CFAP221: variants seen among roughly 807,000 people sequenced by gnomAD.
CFAP221 encodes cilia and flagella associated protein 221.
CFAP221 carries 97 observed loss-of-function variants against 113.1 expected under a neutral mutation model. The observed-to-expected ratio is 0.86, with a 90% CI of 0.73 to 1.02. The LOEUF is 1.02. CFAP221 is among the 50% of genes least tolerant of loss of function. The pLI is 0.00. For synonymous variants in CFAP221, 331 were observed against 354.4 expected, an observed-to-expected ratio of 0.93 and a Z score of 0.74; for missense variants, 1,025 against 1,013.4, an observed-to-expected ratio of 1.01 and a Z score of -0.16.
intron 6 of CFAP221, among the ~76,000 whole-genome samples, chr2:119,575,151 C>G (rs1171993909): frequency 6.6e-6 from 1 of 152,168 alleles, no homozygotes; most frequent in East Asian, 1.9e-4. Flanking sequence ...AGGCTAGCAG[C>G]AGTTTTTAGT....
Position 119,652,017 on chromosome 2 carries a change from A to G in CFAP221, c.2362A>G (p.Met788Val), listed in dbSNP as rs1380498681. Reference sequence around the variant, plus strand: ...TGTAGAAGTTATGTTGACTCCAGAAATGATCAAAGTGGAATTCCCTATGTT... The same window carrying G: ...TGTAGAAGTTATGTTGACTCCAGAAGTGATCAAAGTGGAATTCCCTATGTT... ...QNVEVMLTPE[M>V]IKVEFPMLNY... is the part of the protein sequence containing the mutation. Residue 788 changes from methionine to valine, a missense_variant, in exon 23 of 24, where the codon ATG becomes GTG. Met to Val is a conservative substitution (Grantham distance 21). Transcript: ENST00000413369. 6.2e-7 allele frequency: 1 copy of G among 1,613,616 alleles called. No individual in the cohort carries two copies.
intron 7 of CFAP221, among the ~76,000 whole-genome samples, chr2:119,588,058 G>A (rs1266850930): frequency 6.6e-6 from 1 of 152,138 alleles, no homozygotes; most frequent in African/African-American, 2.4e-5. Flanking sequence ...GAGGTTTATT[G>A]TTTTCAGCTG....
At chr2:119,628,580 G>T (rs1173406373) in intron 16 of CFAP221, among the ~76,000 whole-genome samples, 1 of 152,206 alleles carries the variant, frequency 6.6e-6, no homozygotes, top group Non-Finnish European at 1.5e-5. Flanking sequence ...TGTTGCTCGA[G>T]TTCACATCGT....
At chr2:119,647,346 G>C (rs907288671) in intron 22 of CFAP221, among the ~76,000 whole-genome samples, 4 of 152,188 alleles carry the variant, frequency 2.6e-5, no homozygotes, top group Admixed American at 2.6e-4. Flanking sequence ...CATGGACTTG[G>C]GTTAGTATGT....
At chr2:119,643,615 G>T (rs898149110) in intron 21 of CFAP221, among the ~76,000 whole-genome samples, 2 of 152,140 alleles carry the variant, frequency 1.3e-5, no homozygotes, top group African/African-American at 4.8e-5. Flanking sequence ...CACGATCTCA[G>T]CTCACTGCAA....
chr2:119,583,396 T>TC (rs1299525242), intron 6 of CFAP221, among the ~76,000 whole-genome samples: 4 of 768 alleles, frequency 5.2e-3, no homozygotes, highest in Admixed American at 0.036. Context: ...AAATAGTCTC[T>TC]TTTTTTTTTT....
intron 3 of CFAP221, among the ~76,000 whole-genome samples, chr2:119,551,373 GT>G (rs957471577): frequency 6.6e-6 from 1 of 152,186 alleles, no homozygotes; most frequent in African/African-American, 2.4e-5. Context: ...ACTTACTCCT[GT>G]GTTTTCTTCT....
At chr2:119,646,018 G>A (rs930842675) in intron 21 of CFAP221, among the ~76,000 whole-genome samples, 1 of 152,130 alleles carries the variant, frequency 6.6e-6, no homozygotes, top group Non-Finnish European at 1.5e-5. Context: ...TTGAAACAAA[G>A]AGCTGTTGCC....
intron 21 of CFAP221, among the ~76,000 whole-genome samples, chr2:119,642,861 C>T (rs1687576389): frequency 6.6e-6 from 1 of 150,852 alleles, no homozygotes; most frequent in African/African-American, 2.4e-5. Flanking sequence ...CTTTGATAGG[C>T]ACTAATCCTA....
At chr2:119,598,759 T>C (rs1402935691) in intron 7 of CFAP221, among the ~76,000 whole-genome samples, 1 of 152,202 alleles carries the variant, frequency 6.6e-6, no homozygotes, top group Non-Finnish European at 1.5e-5. Context: ...TCCCTGTTAA[T>C]GGAAAAAGCA....
intron 6 of CFAP221, among the ~76,000 whole-genome samples, chr2:119,565,462 A>T (rs1369223465): frequency 1.3e-5 from 2 of 152,162 alleles, no homozygotes; most frequent in Admixed American, 1.3e-4. Flanking sequence ...GAGAACAATG[A>T]TTTATAAAAC....
intron 8 of CFAP221, among the ~76,000 whole-genome samples, chr2:119,604,039 T>A (rs1342975076): frequency 6.6e-6 from 1 of 152,186 alleles, no homozygotes; most frequent in Non-Finnish European, 1.5e-5. Context: ...GGAAGATAAA[T>A]CAAGGTAAGA....
chr2:119,638,365 C>A lies in CFAP221; in HGVS notation c.2081C>A (p.Ser694Tyr), dbSNP rs189842201. The A allele has an allele frequency of 4.0e-5, 65 of 1,614,166 alleles. No homozygotes were observed. In the Admixed American group the frequency reaches 1.0e-3, roughly 25 times the overall value. The part of the protein sequence containing the change: ...SHPKYKFTKE[S>Y]RHGSSIPVTQ... ...CCCAAGTACAAATTCACCAAAGAGT[C>A]CCGCCACGGGTCCAGCATTCCTGTC... is the stretch of plus-strand genomic sequence containing the variant. The change falls in exon 20 of 24, where the codon TCC becomes TAC. Residue 694 changes from serine to tyrosine, a missense_variant. Transcript: ENST00000413369.
At chr2:119,613,627 C>T (rs1165293511) in intron 13 of CFAP221, among the ~76,000 whole-genome samples, 1 of 152,164 alleles carries the variant, frequency 6.6e-6, no homozygotes, top group Non-Finnish European at 1.5e-5. Flanking sequence ...GGCACTGAAT[C>T]CCAAGACTGC....
chr2:119,558,789 T>G (rs1681009372), intron 3 of CFAP221, among the ~76,000 whole-genome samples: 1 of 152,178 alleles, frequency 6.6e-6, no homozygotes, highest in Non-Finnish European at 1.5e-5. Flanking sequence ...GCCACTGCAC[T>G]GCAGCCCGAG....
At chr2:119,618,590 C>T (rs1250243657) in intron 14 of CFAP221, among the ~76,000 whole-genome samples, 2 of 152,196 alleles carry the variant, frequency 1.3e-5, no homozygotes, top group African/African-American at 4.8e-5. Flanking sequence ...CTTCACAACC[C>T]GCAGACCAGG....
At chr2:119,656,260 C>T (rs796926340) in intron 23 of CFAP221, 102 bp from the exon 24 acceptor site, 33 of 838,190 alleles carry the variant, frequency 3.9e-5, no homozygotes, top group Middle Eastern at 2.4e-4. Flanking sequence ...GTATATTAAA[C>T]GAAATGCTCC....
chr2:119,625,273 A>T (rs1343874031), intron 14 of CFAP221, among the ~76,000 whole-genome samples: 1 of 152,240 alleles, frequency 6.6e-6, no homozygotes, highest in Non-Finnish European at 1.5e-5. Flanking sequence ...AGACATATCC[A>T]GAAGAAACAA....
intron 12 of CFAP221, among the ~76,000 whole-genome samples, chr2:119,609,511 C>T (rs1057406264): frequency 2.0e-5 from 3 of 152,138 alleles, no homozygotes; most frequent in African/African-American, 7.2e-5. Context: ...TATTGGTGGC[C>T]ACCTTCTCCT....
Sources: allele counts gnomAD v4.1 joint callset (sites outside exome capture counted in the v4.1 genomes callset), GRCh38; gene constraint gnomAD v4.1.1; transcripts MANE v1.5; gene names NCBI Gene and HGNC (gene_info 2026-07-23, HGNC 2026-07-21).